Variants in ZNF678 observed in about 807,000 individuals in gnomAD.
ZNF678 encodes the protein zinc finger protein 678, also known as hypothetical protein MGC42493.
ZNF678 carries 5 observed loss-of-function variants against 3.0 expected under a neutral mutation model. The ratio of observed to expected loss-of-function variants is 1.69; its 90% CI spans 0.88 to 3.56. ZNF678 has a LOEUF of 3.56. Among genes scored for constraint, ZNF678 ranks in the 30% most tolerant of loss-of-function variants. The pLI is 0.00. For synonymous variants in ZNF678, 218 were observed against 199.6 expected (o/e 1.09, Z -0.78); for missense variants, 593 against 605.0 (o/e 0.98, Z 0.21).
chr1:227,572,028 C>T (rs1656858111), intron 1 of ZNF678, among the ~76,000 whole-genome samples: 2 of 151,996 alleles, frequency 1.3e-5, no homozygotes, highest in Non-Finnish European at 2.9e-5. Context: ...GGCAACAGAG[C>T]GAGACTCCGT....
intron 1 of ZNF678, among the ~76,000 whole-genome samples, chr1:227,591,275 G>T (rs1167213879): frequency 2.7e-5 from 4 of 147,524 alleles, no homozygotes; most frequent in Admixed American, 2.7e-4. Context: ...TTCTAACGAG[G>T]ATTAAGGGTT....
intron 1 of ZNF678, among the ~76,000 whole-genome samples, chr1:227,574,589 A>G (rs1445241722): frequency 6.6e-6 from 1 of 152,018 alleles, no homozygotes; most frequent in Admixed American, 6.5e-5. Context: ...AGTTTGCAAC[A>G]GTTTTCTCCC....
downstream of ZNF678, among the ~76,000 whole-genome samples, chr1:227,662,664 T>C (rs1659435470): frequency 1.3e-5 from 2 of 152,138 alleles, no homozygotes; most frequent in South Asian, 4.1e-4. Context: ...AGGAATTACA[T>C]GAGTTTCTTT....
downstream of ZNF678, among the ~76,000 whole-genome samples, chr1:227,662,621 C>T (rs1659434664): frequency 6.6e-6 from 1 of 152,118 alleles, no homozygotes; most frequent in South Asian, 2.1e-4. Context: ...TGAAAGGTGA[C>T]TCAAACTTAT....
chr1:227,593,519 G>A (rs1290607949), intron 1 of ZNF678, among the ~76,000 whole-genome samples: 4 of 152,134 alleles, frequency 2.6e-5, no homozygotes, highest in African/African-American at 7.2e-5. Context: ...GGTCTTTATC[G>A]AAATCTCCCT....
intron 5 of ZNF678, among the ~76,000 whole-genome samples, chr1:227,675,041 C>G (rs1330906601): frequency 6.6e-6 from 1 of 152,132 alleles, no homozygotes; most frequent in Non-Finnish European, 1.5e-5. Context: ...TTATGACATT[C>G]ATTTGAACAT....
intron 1 of ZNF678, among the ~76,000 whole-genome samples, chr1:227,569,054 C>A (rs1456725959): frequency 6.6e-6 from 1 of 152,182 alleles, no homozygotes; most frequent in Non-Finnish European, 1.5e-5. Context: ...TGCTGGAGTG[C>A]AATCATAGCT....
At chr1:227,665,715 T>G (rs779373660), downstream of ZNF678, among the ~76,000 whole-genome samples, 23 of 152,258 alleles carry the variant, frequency 1.5e-4, no homozygotes, top group Non-Finnish European at 2.8e-4. Context: ...ATATTTTGTG[T>G]ATGTAAAGCT....
intron 1 of ZNF678, among the ~76,000 whole-genome samples, chr1:227,571,357 T>G (rs1473076191): frequency 2.0e-5 from 3 of 152,230 alleles, no homozygotes; most frequent in Non-Finnish European, 4.4e-5. Context: ...CAAGATTTTA[T>G]GGGTAAATGT....
intron 5 of ZNF678, among the ~76,000 whole-genome samples, chr1:227,667,991 G>A (rs1659537669): frequency 6.6e-6 from 1 of 152,144 alleles, no homozygotes; most frequent in South Asian, 2.1e-4. Flanking sequence ...GGAACATTTA[G>A]ATATTTTATG....
At position 227,568,875 on chromosome 1, in the gene ZNF678, A is replaced by G. The variant is rs114054322; in HGVS notation, c.-164+5151A>G. 5.3e-3 allele frequency among the ~76,000 whole-genome samples: 800 copies of G among 152,318 alleles called. 8 individuals are homozygous for G. The highest frequency in any genetic ancestry group is 0.019 in the African/African-American group (772 of 41,564). ...AACTGGTTGGTGATCAGGAAACTCCACACATCTGGTGTCAGAAGTTTTGTC... is the reference window on the plus strand; with the variant it reads ...AACTGGTTGGTGATCAGGAAACTCCGCACATCTGGTGTCAGAAGTTTTGTC... On this transcript the variant is annotated intron_variant, in intron 1 of 3. Coordinates refer to ENST00000343776, the MANE Select transcript of ZNF678 (RefSeq NM_001367909.1).
In ZNF678 at chr1:227,575,566, A is replaced by T. The variant is rs923401907; in HGVS notation, c.-164+11842A>T. Reference sequence around the variant, plus strand: ...GCTTGGCTGTTGTTGGTATATGGCAATGTTAGTTATATTCACACGTTGATT... The same window carrying T: ...GCTTGGCTGTTGTTGGTATATGGCATTGTTAGTTATATTCACACGTTGATT... On this transcript the variant is annotated intron_variant, in intron 1 of 3. Coordinates refer to ENST00000343776, the MANE Select transcript of ZNF678 (RefSeq NM_001367909.1). Among the ~76,000 whole-genome samples, 10 of 152,030 alleles carry T rather than the reference A, an allele frequency of 6.6e-5. No individual in the cohort carries two copies. The South Asian group carries it at 2.1e-3, about 32-fold the overall frequency.
chr1:227,590,957 G>A (rs1657397751), intron 1 of ZNF678, among the ~76,000 whole-genome samples: 1 of 151,740 alleles, frequency 6.6e-6, no homozygotes, highest in African/African-American at 2.4e-5. Context: ...TTTGGGCCGG[G>A]AATTCATTCA....
chr1:227,664,182 A>G (rs1168373231), downstream of ZNF678, among the ~76,000 whole-genome samples: 1 of 152,230 alleles, frequency 6.6e-6, no homozygotes, highest in Non-Finnish European at 1.5e-5. Context: ...ATTTAAAAAA[A>G]ATAATTATCC....
At chr1:227,603,336 G>C (rs992338970) in intron 1 of ZNF678, among the ~76,000 whole-genome samples, 2 of 152,206 alleles carry the variant, frequency 1.3e-5, no homozygotes, top group African/African-American at 4.8e-5. Context: ...GGAAGTGCTA[G>C]GTGGTTCGCC....
At chr1:227,654,187 G>T (rs1659155126) in intron 3 of ZNF678, 149 bp from the exon 4 acceptor site, 1 of 688,452 alleles carries the variant, frequency 1.5e-6, no homozygotes. Context: ...TTTTTGTTAA[G>T]TTTATATGTT....
In ZNF678 at chr1:227,661,256, C is replaced by T. The variant is rs566449876; in HGVS notation, c.*5428C>T. On this transcript the variant is annotated 3_prime_UTR_variant, in exon 4 of 4. Transcript: ENST00000343776. ...GAACCTTCTCAGATATTTTGTTGAA[C>T]GTGGGACCTTTGTTTTTTTTTGTTG... 2.0e-5 allele frequency: 3 copies of T among 151,842 alleles called. No individual in the cohort carries two copies. The highest frequency in any genetic ancestry group is 4.4e-5 in the Non-Finnish European group (3 of 67,998). 9.4% of individuals were successfully genotyped at this position (151,842 alleles called of 1,614,324 possible).
chr1:227,566,101 C>T (rs1656678211), intron 1 of ZNF678, among the ~76,000 whole-genome samples: 1 of 152,186 alleles, frequency 6.6e-6, no homozygotes, highest in South Asian at 2.1e-4. Context: ...TCAGAATTGT[C>T]TGGGAATGGC....
At chr1:227,598,904 C>G in intron 1 of ZNF678, 1 of 711,164 alleles carries the variant, frequency 1.4e-6, no homozygotes, top group Non-Finnish European at 2.6e-6. Context: ...GCTCTCACTT[C>G]CACTTAACAA....
Sources: gnomAD v4.1 joint callset for allele counts (sites outside exome capture counted in the v4.1 genomes callset) on GRCh38, gnomAD v4.1.1 for gene constraint, MANE v1.5 for transcripts, NCBI Gene and HGNC (gene_info 2026-07-23, HGNC 2026-07-21) for gene names.